The following RPL7L1 variants were observed in gnomAD, a reference collection of about 807,000 sequenced individuals.
The protein encoded by RPL7L1 is ribosomal protein uL30-like.
In RPL7L1, 20 loss-of-function variants were observed where a neutral mutation model predicts 30.3. That is an observed-to-expected ratio of 0.66 (90% CI 0.46 to 0.96). The LOEUF (loss-of-function observed/expected upper bound fraction) is 0.96, where lower values mean the gene tolerates loss of function less well. RPL7L1 is among the 40% of genes least tolerant of loss of function. The pLI is 0.00. For synonymous variants in RPL7L1, 107 were observed against 110.1 expected (o/e 0.97, Z 0.18); for missense variants, 271 against 314.9 (o/e 0.86, Z 1.05).
At chr6:42,883,375 C>T in intron 2 of RPL7L1, 76 bp from the exon 3 acceptor site, 3 of 1,155,080 alleles carry the variant, frequency 2.6e-6, no homozygotes, top group Non-Finnish European at 3.6e-6. Flanking sequence ...TATCAGTTGT[C>T]ACTTATGAAT....
chr6:42,886,166 C>A, intron 5 of RPL7L1, 83 bp downstream of exon 5: 1 of 1,424,262 alleles, frequency 7.0e-7, no homozygotes, highest in Non-Finnish European at 9.9e-7. Context: ...TTGTATTCTT[C>A]TTGGGGCCCC....
Position 42,884,606 on chromosome 6 carries a change from A to G in RPL7L1, c.312-7A>G, listed in dbSNP as rs1374723900. On this transcript the variant is annotated splice_polypyrimidine_tract_variant and splice_region_variant and intron_variant, in intron 3 of 5. Coordinates refer to ENST00000493763, the MANE Select transcript of RPL7L1 (RefSeq NM_001366481.3). The stretch of plus-strand genomic sequence containing the variant: ...GTCTGTCTGACTTCTGTTGCTGTTC[A>G]TTTCAGGATTGACGGCGTGAGTTTA... The G allele has an allele frequency of 6.2e-7, 1 of 1,611,134 alleles. No individual in the cohort carries two copies. Among genetic ancestry groups the G allele is most frequent in the Non-Finnish European group, 8.5e-7 (1 of 1,179,130 alleles).
chr6:42,879,850 G>A lies in RPL7L1; in HGVS notation c.-61G>A. 6.3e-7 allele frequency: 1 copy of A among 1,576,380 alleles called. No individual in the cohort carries two copies. The highest frequency in any genetic ancestry group is 1.1e-5 in the South Asian group (1 of 90,174). On this transcript the variant is annotated 5_prime_UTR_variant, in exon 1 of 6. Transcript: ENST00000493763. The stretch of plus-strand genomic sequence containing the variant: ...TGGTCCTCCAGCGTGAGCTAGAACA[G>A]ACGTCTCTATGGTCAAGTAAACAGA...
rs1562509827 is a variant in RPL7L1, at chr6:42,880,974, T to C, written c.147+8T>C. ...CTTTTGGCAAAGAAGGAGGTAATGG[T>C]GGGGAACCAAGAGAAAGTAATTAGA... On this transcript the variant is annotated splice_region_variant and intron_variant, in intron 2 of 5. Coordinates refer to ENST00000493763, the MANE Select transcript of RPL7L1 (RefSeq NM_001366481.3). The C allele has an allele frequency of 1.4e-6, 2 of 1,410,058 alleles. No homozygotes were observed. The highest frequency in any genetic ancestry group is 1.7e-5 in the Admixed American group (1 of 59,320). 87.3% of individuals were successfully genotyped at this position (1,410,058 alleles called of 1,614,324 possible).
chr6:42,888,721 A>G lies in RPL7L1; in HGVS notation c.*2257A>G, dbSNP rs1374559760. 6.6e-6 allele frequency: 1 copy of G among 152,198 alleles called. No homozygotes were observed. The highest frequency in any genetic ancestry group is 6.5e-5 in the Admixed American group (1 of 15,272). 9.4% of individuals were successfully genotyped at this position (152,198 alleles called of 1,614,324 possible). On this transcript the variant is annotated 3_prime_UTR_variant, in exon 6 of 6. Transcript: ENST00000493763. ...TAAAACCCAAATCAGCAAGGAATGA[A>G]CAATTTTGTTTGGCATGGATGAAAT...
intron 2 of RPL7L1, 103 bp downstream of exon 2, chr6:42,881,069 G>T: frequency 1.5e-6 from 1 of 688,720 alleles, no homozygotes. Context: ...CCCCCCAACG[G>T]TTTGACAGAC....
chr6:42,883,303 C>T, intron 2 of RPL7L1, 148 bp from the exon 3 acceptor site: 5 of 570,248 alleles, frequency 8.8e-6, no homozygotes, highest in South Asian at 5.0e-5. Context: ...CTCATTTTTC[C>T]TTTATATGAA....
chr6:42,886,566 T>G lies in RPL7L1; in HGVS notation c.*102T>G. On this transcript the variant is annotated 3_prime_UTR_variant, in exon 6 of 6. Transcript: ENST00000493763. ...TTTTGCATTTACTAGTATTTAAGAG[T>G]AACCTTGAGATTGGGAGGAATAGAG... 1.5e-6 allele frequency: 1 copy of G among 687,000 alleles called. No individual in the cohort carries two copies. The highest frequency in any genetic ancestry group is 2.5e-6 in the Non-Finnish European group (1 of 392,538). 42.6% of individuals were successfully genotyped at this position (687,000 alleles called of 1,614,324 possible). A position where few individuals can be genotyped will look rare whatever the true frequency, so the allele number is the denominator to read the frequency against.
chr6:42,884,512 C>G, intron 3 of RPL7L1, 101 bp from the exon 4 acceptor site: 1 of 1,063,938 alleles, frequency 9.4e-7, no homozygotes, highest in South Asian at 1.5e-5. Context: ...GTCTCTGTGT[C>G]TTATTCCAGA....
Position 42,887,198 on chromosome 6 carries a change from A to C in RPL7L1, c.*734A>C, listed in dbSNP as rs1024098285. 3 of 152,182 alleles carry C rather than the reference A, an allele frequency of 2.0e-5. No individual in the cohort carries two copies. Among genetic ancestry groups the C allele is most frequent in the African/African-American group, 7.2e-5 (3 of 41,446 alleles). The allele number at this position is 152,182 out of a possible 1,614,324, so 9.4% of individuals were successfully genotyped here. A position where few individuals can be genotyped will look rare whatever the true frequency, so the allele number is the denominator to read the frequency against. ...GTAAATTTTTTATCAGTGAAGTGGAAGCATGTGTTTTGTTTTGGAAATTTT... is the reference window on the plus strand; with the variant it reads ...GTAAATTTTTTATCAGTGAAGTGGACGCATGTGTTTTGTTTTGGAAATTTT... On this transcript the variant is annotated 3_prime_UTR_variant, in exon 6 of 6. Transcript: ENST00000493763.
chr6:42,886,102 G>A lies in RPL7L1; in HGVS notation c.559+19G>A, dbSNP rs1365221410. The stretch of plus-strand genomic sequence containing the variant: ...CACCTGGGTGAGTGCTACAGCTTAG[G>A]GATCAGCTGGGGCAGAAAGCCAGGG... On this transcript the variant is annotated intron_variant, in intron 5 of 5. Coordinates refer to ENST00000493763, the MANE Select transcript of RPL7L1 (RefSeq NM_001366481.3). 6.9e-7 allele frequency: 1 copy of A among 1,451,170 alleles called. No homozygotes were observed. The highest frequency in any genetic ancestry group is 9.7e-7 in the Non-Finnish European group (1 of 1,034,730). 89.9% of individuals were successfully genotyped at this position (1,451,170 alleles called of 1,614,324 possible). A position where few individuals can be genotyped will look rare whatever the true frequency, so the allele number is the denominator to read the frequency against.
At position 42,887,234 on chromosome 6, in the gene RPL7L1, CT is replaced by C. The variant is rs1429842505; in HGVS notation, c.*772del. 6.6e-6 allele frequency: 1 copy of C among 152,060 alleles called. No homozygotes were observed. Among genetic ancestry groups the C allele is most frequent in the Non-Finnish European group, 1.5e-5 (1 of 68,026 alleles). The allele number at this position is 152,060 out of a possible 1,614,324, so 9.4% of individuals were successfully genotyped here. On this transcript the variant is annotated 3_prime_UTR_variant, in exon 6 of 6. Coordinates refer to ENST00000493763, the MANE Select transcript of RPL7L1 (RefSeq NM_001366481.3). ...TGTTTTGGAAATTTTTATCAAGTAT[CT>C]TCAGAGAAGATTATTTCCTGCTTTA...
rs540076333 is a variant in RPL7L1, at chr6:42,886,205, A to G, written c.560-51A>G. 8 of 1,503,760 alleles carry G rather than the reference A, an allele frequency of 5.3e-6. No homozygotes were observed. The East Asian group carries it at 9.0e-5, about 17-fold the overall frequency. 93.2% of individuals were successfully genotyped at this position (1,503,760 alleles called of 1,614,324 possible). On this transcript the variant is annotated intron_variant, in intron 5 of 5. Coordinates refer to ENST00000493763, the MANE Select transcript of RPL7L1 (RefSeq NM_001366481.3). The stretch of plus-strand genomic sequence containing the variant: ...AGTCTGCCAGAGTGGCCAGCTTAGT[A>G]TATGCTGGATACATGTTAAATAAAG...
rs187563119 is a variant in RPL7L1, at chr6:42,884,665, A to C, written c.364A>C (p.Lys122Gln). The C allele has an allele frequency of 9.3e-6, 15 of 1,613,896 alleles. No individual in the cohort carries two copies. The highest frequency in any genetic ancestry group is 5.5e-5 in the South Asian group (5 of 91,082). The change falls in exon 4 of 6, where the codon AAG becomes CAG. Residue 122 changes from lysine to glutamine, a missense_variant. By Grantham distance (53) the Lys-to-Gln change is moderately conservative. Transcript: ENST00000493763. ...VQRTIARLRL[K>Q]KIFSGVFVKV... ...GAGAACCATTGCAAGACTTCGCCTA[A>C]AGAAAATTTTTAGTGGTGTCTTTGT...
At chr6:42,880,321 A>G (rs1237058923) in intron 1 of RPL7L1, among the ~76,000 whole-genome samples, 1 of 152,154 alleles carries the variant, frequency 6.6e-6, no homozygotes, top group African/African-American at 2.4e-5. Context: ...ATACGAACCC[A>G]GAGGCTAAAG....
chr6:42,883,385 T>A, intron 2 of RPL7L1, 66 bp from the exon 3 acceptor site: 5 of 1,299,404 alleles, frequency 3.8e-6, no homozygotes, highest in Non-Finnish European at 3.1e-6. Context: ...CACTTATGAA[T>A]TACTGTTCTA....
intron 2 of RPL7L1, 106 bp downstream of exon 2, chr6:42,881,072 TGACA>T: frequency 4.4e-6 from 3 of 685,740 alleles, no homozygotes; most frequent in East Asian, 5.5e-5. Context: ...CCCAACGGTT[TGACA>T]GACCAGGTAT....
intron 3 of RPL7L1, 128 bp downstream of exon 3, chr6:42,883,742 A>C: frequency 3.0e-6 from 2 of 673,858 alleles, no homozygotes; most frequent in South Asian, 4.4e-5. Context: ...GTCAGGGTTG[A>C]GCACAATTTA....
rs1163137980 is a variant in RPL7L1 at position 42,889,815 on chromosome 6, AAAAT to A, written c.*3356_*3359del. The stretch of plus-strand genomic sequence containing the variant: ...TAAATAAAAGGGACTAAGTTGACGA[AAAAT>A]AAATTTTAAAAAACCTAATAAAACA... On this transcript the variant is annotated 3_prime_UTR_variant, in exon 6 of 6. Transcript: ENST00000493763. 2.0e-5 allele frequency: 3 copies of A among 152,258 alleles called. No individual in the cohort carries two copies. The allele number at this position is 152,258 out of a possible 1,614,324, so 9.4% of individuals were successfully genotyped here. A position where few individuals can be genotyped will look rare whatever the true frequency, so the allele number is the denominator to read the frequency against.
Sources: allele counts gnomAD v4.1 joint callset (sites outside exome capture counted in the v4.1 genomes callset), GRCh38; gene constraint gnomAD v4.1.1; transcripts MANE v1.5; gene names NCBI Gene and HGNC (gene_info 2026-07-23, HGNC 2026-07-21).